CALN1: variants seen among roughly 807,000 people sequenced by gnomAD.
CALN1 encodes calcium-binding protein 8.
A neutral mutation model predicts 30.6 loss-of-function variants in CALN1; 17 were observed. That is an observed-to-expected ratio of 0.56 (90% confidence interval 0.38 to 0.83). CALN1 has a LOEUF of 0.83. CALN1 is among the 40% of genes least tolerant of loss of function. The pLI, the probability that CALN1 is intolerant of heterozygous loss-of-function variation, is 0.00. For synonymous variants in CALN1, 156 were observed against 131.4 expected, an observed-to-expected ratio of 1.19 and a Z score of -1.28; for missense variants, 291 against 354.9, an observed-to-expected ratio of 0.82 and a Z score of 1.45.
At chr7:72,201,604 A>G (rs1462302275) in intron 3 of CALN1, among the ~76,000 whole-genome samples, 1 of 152,084 alleles carries the variant, frequency 6.6e-6, no homozygotes, top group Non-Finnish European at 1.5e-5. Context: ...AAAGAAAGAA[A>G]AAAAAGAAAA....
rs80295476 is a variant in CALN1, at chr7:72,407,540, C to A, written c.-73-4098G>T. Among the ~76,000 whole-genome samples the A allele has an allele frequency of 3.4e-3, 519 of 152,254 alleles. 3 individuals carry two copies. The highest frequency in any genetic ancestry group is 0.012 in the African/African-American group (509 of 41,550). ...TTTGCTGCTTCCCTCCTCTCTTCTC[C>A]TCCTGCTCTGGCCATGTGAAGACAT... On this transcript the variant is annotated intron_variant, in intron 1 of 6. Coordinates refer to ENST00000395275, the MANE Select transcript of CALN1 (RefSeq NM_031468.4).
Position 71,786,975 on chromosome 7 carries a change from TG to T in CALN1, c.*799del, listed in dbSNP as rs1314022873. The T allele has an allele frequency of 6.6e-6, 1 of 152,652 alleles. No homozygotes were observed. Among genetic ancestry groups the T allele is most frequent in the African/African-American group, 2.4e-5 (1 of 41,458 alleles). 9.5% of individuals were successfully genotyped at this position (152,652 alleles called of 1,614,324 possible). On this transcript the variant is annotated 3_prime_UTR_variant, in exon 7 of 7. Transcript: ENST00000395275. ...GAAGCCAAATATATATATCTGTCTATGTTATAGAGATGCCCACGATTATGCT... is the reference window on the plus strand; with the variant it reads ...GAAGCCAAATATATATATCTGTCTATTTATAGAGATGCCCACGATTATGCT...
upstream of CALN1, among the ~76,000 whole-genome samples, chr7:72,413,966 A>T (rs1049732285): frequency 1.3e-5 from 2 of 151,992 alleles, no homozygotes; most frequent in Admixed American, 1.3e-4. Context: ...TGTTTCCATG[A>T]TGTCTGCTGT....
chr7:72,117,379 CA>C (rs1274562630), intron 3 of CALN1, among the ~76,000 whole-genome samples: 1 of 152,120 alleles, frequency 6.6e-6, no homozygotes, highest in East Asian at 1.9e-4. Context: ...TGGCAGCCCT[CA>C]GAGAGCATGT....
intron 3 of CALN1, among the ~76,000 whole-genome samples, chr7:72,162,150 G>C (rs1267548188): frequency 1.3e-5 from 2 of 151,820 alleles, no homozygotes; most frequent in Non-Finnish European, 2.9e-5. Context: ...TTTGCTACTA[G>C]AGGCTCTCTC....
chr7:72,062,178 T>C (rs1803700542), intron 4 of CALN1, among the ~76,000 whole-genome samples: 1 of 152,106 alleles, frequency 6.6e-6, no homozygotes, highest in Non-Finnish European at 1.5e-5. Flanking sequence ...TCAGCACACC[T>C]GCTCTAAAAA....
chr7:71,864,935 G>A (rs1436772411), intron 5 of CALN1, among the ~76,000 whole-genome samples: 2 of 151,956 alleles, frequency 1.3e-5, no homozygotes, highest in Non-Finnish European at 2.9e-5. Flanking sequence ...CCTGGGAGGT[G>A]GATGTTGCAG....
At chr7:71,958,456 C>G (rs568238960) in intron 5 of CALN1, among the ~76,000 whole-genome samples, 2 of 152,256 alleles carry the variant, frequency 1.3e-5, no homozygotes, top group Non-Finnish European at 2.9e-5. Flanking sequence ...TGTAGTCTTC[C>G]TATCTGTCAA....
chr7:72,000,794 T>C (rs1461477094), intron 5 of CALN1, among the ~76,000 whole-genome samples: 2 of 152,170 alleles, frequency 1.3e-5, no homozygotes, highest in Non-Finnish European at 2.9e-5. Flanking sequence ...CTTAACAAAA[T>C]ACTAGCAAAC....
chr7:72,391,419 C>G (rs544196555), intron 2 of CALN1, among the ~76,000 whole-genome samples: 6 of 152,274 alleles, frequency 3.9e-5, no homozygotes, highest in Admixed American at 1.3e-4. Context: ...CAGCAAGACA[C>G]CAGAAGATCC....
chr7:72,272,556 T>C (rs1047478508), intron 3 of CALN1, among the ~76,000 whole-genome samples: 3 of 152,066 alleles, frequency 2.0e-5, no homozygotes, highest in African/African-American at 7.2e-5. Flanking sequence ...AGCCAGACTC[T>C]GTCTCCACGA....
intron 5 of CALN1, among the ~76,000 whole-genome samples, chr7:71,928,685 A>G (rs1464299635): frequency 1.3e-5 from 2 of 152,174 alleles, no homozygotes; most frequent in Admixed American, 6.5e-5. Flanking sequence ...TTATGCCATC[A>G]TCACAACAAC....
At position 71,784,634 on chromosome 7, in the gene CALN1, CA is replaced by C. The variant is rs1363572180; in HGVS notation, c.*3140del. The C allele has an allele frequency of 2.3e-5, 9 of 392,520 alleles. No individual in the cohort carries two copies. Among genetic ancestry groups the C allele is most frequent in the African/African-American group, 1.5e-4 (7 of 48,196 alleles). 24.3% of individuals were successfully genotyped at this position (392,520 alleles called of 1,614,324 possible). A position where few individuals can be genotyped will look rare whatever the true frequency, so the allele number is the denominator to read the frequency against. On this transcript the variant is annotated 3_prime_UTR_variant, in exon 7 of 7. Transcript: ENST00000395275. ...CTTCTTGCTCATCACTTGTGCTTTC[CA>C]GGGGGGCGGCGGGGGGTACCTGCTC...
intron 3 of CALN1, among the ~76,000 whole-genome samples, chr7:72,224,451 C>G (rs1793526435): frequency 6.6e-6 from 1 of 152,146 alleles, no homozygotes; most frequent in Non-Finnish European, 1.5e-5. Flanking sequence ...AGAATTAAAA[C>G]CCGTGAACTA....
intron 4 of CALN1, chr7:72,103,176 C>T (rs1043328340): frequency 6.5e-6 from 1 of 154,046 alleles, no homozygotes; most frequent in Non-Finnish European, 1.5e-5. Flanking sequence ...ATCTCTGAAT[C>T]TAGCCTGGCC....
intron 3 of CALN1, among the ~76,000 whole-genome samples, chr7:72,260,694 T>C (rs1471198423): frequency 6.6e-6 from 1 of 152,044 alleles, no homozygotes; most frequent in Admixed American, 6.6e-5. Context: ...GCTAAGCCAT[T>C]GCACTTGGCT....
chr7:72,179,946 T>C (rs1789640035), intron 3 of CALN1, among the ~76,000 whole-genome samples: 1 of 152,210 alleles, frequency 6.6e-6, no homozygotes, highest in African/African-American at 2.4e-5. Flanking sequence ...CTGATAGTCA[T>C]CCATGATCCC....
intron 3 of CALN1, among the ~76,000 whole-genome samples, chr7:72,269,829 T>C (rs914530317): frequency 3.9e-5 from 6 of 152,222 alleles, no homozygotes; most frequent in African/African-American, 1.4e-4. Flanking sequence ...CCACAGTCTT[T>C]TTAAAAAGTC....
intron 2 of CALN1, among the ~76,000 whole-genome samples, chr7:72,361,017 G>C (rs981816561): frequency 1.3e-5 from 2 of 151,942 alleles, no homozygotes; most frequent in South Asian, 4.2e-4. Flanking sequence ...ATGAGCCACC[G>C]CACACAGCCT....
Sources: gnomAD v4.1 joint callset for allele counts (sites outside exome capture counted in the v4.1 genomes callset) on GRCh38, gnomAD v4.1.1 for gene constraint, MANE v1.5 for transcripts, NCBI Gene and HGNC (gene_info 2026-07-23, HGNC 2026-07-21) for gene names.